Variants in OIP5 observed in about 807,000 individuals in gnomAD.
OIP5 encodes Opa interacting protein 5.
A neutral mutation model predicts 20.3 loss-of-function variants in OIP5; 24 were observed. The observed-to-expected ratio is 1.18, with a 90% CI of 0.86 to 1.66. OIP5 has a LOEUF of 1.66. Among genes scored for constraint, OIP5 ranks in the 40% most tolerant of loss-of-function variants. OIP5 has a pLI of 0.00. For missense variants in OIP5, 339 were observed against 289.5 expected (o/e 1.17, Z -1.24); for synonymous variants, 143 against 121.3 (o/e 1.18, Z -1.17).
chr15:41,310,865 TGGTTATTA>T (rs1362198056), intron 4 of OIP5, among the ~76,000 whole-genome samples: 1 of 152,230 alleles, frequency 6.6e-6, no homozygotes, highest in East Asian at 1.9e-4. Flanking sequence ...AAGTTAACTC[TGGTTATTA>T]GGTTTAGAAC....
Position 41,332,293 on chromosome 15 carries a change from G to T in OIP5, c.269C>A (p.Ser90Ter). The T allele has an allele frequency of 6.3e-7, 1 of 1,581,042 alleles. No individual in the cohort carries two copies. The highest frequency in any genetic ancestry group is 2.2e-5 in the East Asian group (1 of 44,510). Residue 90 changes from serine to a stop codon, truncating the protein, a stop_gained, in exon 1 of 5, where the codon TCG becomes TAG. Coordinates refer to ENST00000220514, the MANE Select transcript of OIP5 (RefSeq NM_007280.2). LOFTEE classifies it high-confidence loss of function. ...CGACAGGTCCCAGGCGAGGTGCACCGAGTCGGCGAGCACTGCGTGACACTG... is the reference window on the plus strand; with the variant it reads ...CGACAGGTCCCAGGCGAGGTGCACCTAGTCGGCGAGCACTGCGTGACACTG... ...CAQCHAVLAD[S>*]VHLAWDLSRS...
chr15:41,319,239 C>CTTTTTTTTTTTTT (rs567039095), intron 3 of OIP5, among the ~76,000 whole-genome samples: 3 of 142,030 alleles, frequency 2.1e-5, no homozygotes, highest in African/African-American at 7.7e-5. Flanking sequence ...TGCCCAGCTA[C>CTTTTTTTTTTTTT]TTTTTTTTTT....
intron 2 of OIP5, among the ~76,000 whole-genome samples, chr15:41,320,531 C>T (rs563486264): frequency 2.0e-5 from 3 of 152,202 alleles, no homozygotes; most frequent in Non-Finnish European, 2.9e-5. Flanking sequence ...CCACCAGCCT[C>T]GGCCTCCCAG....
chr15:41,324,448 A>G (rs182653360), intron 2 of OIP5, among the ~76,000 whole-genome samples: 27 of 152,118 alleles, frequency 1.8e-4, no homozygotes, highest in Non-Finnish European at 3.2e-4. Context: ...AACTTTCTCC[A>G]TATCAGCTTA....
At chr15:41,320,393 TCA>T (rs1162010015) in intron 2 of OIP5, among the ~76,000 whole-genome samples, 8 of 148,064 alleles carry the variant, frequency 5.4e-5, no homozygotes, top group African/African-American at 2.0e-4. Context: ...TTCTCCTGCC[TCA>T]GCCTGCCGAG....
intron 4 of OIP5, among the ~76,000 whole-genome samples, chr15:41,312,786 G>A (rs1445417007): frequency 2.0e-5 from 3 of 152,022 alleles, no homozygotes; most frequent in Non-Finnish European, 2.9e-5. Context: ...GTGCCACCAC[G>A]CCCGGCTAAT....
intron 3 of OIP5, among the ~76,000 whole-genome samples, chr15:41,318,403 C>A (rs1001366029): frequency 3.3e-5 from 5 of 152,112 alleles, no homozygotes; most frequent in African/African-American, 1.2e-4. Context: ...CTCAGGTGAA[C>A]CCCCGACCTC....
chr15:41,319,690 A>T lies in OIP5; in HGVS notation c.480T>A (p.Gly160=). The T allele has an allele frequency of 6.2e-7, 1 of 1,613,900 alleles. No individual in the cohort carries two copies. Among genetic ancestry groups the T allele is most frequent in the Non-Finnish European group, 8.5e-7 (1 of 1,179,848 alleles). The change falls in exon 3 of 5, where the codon GGT becomes GGA. Residue 160 remains glycine (G), a synonymous_variant. Coordinates refer to ENST00000220514, the MANE Select transcript of OIP5 (RefSeq NM_007280.2). The stretch of plus-strand genomic sequence containing the variant: ...TTTTGTCACTGGAAAGGCAGAAGTG[A>T]CCTCTCAAGGCAGCCAGGGCAGCAT... ...STHAALAALR[G]HFCLSSDKMV...
At chr15:41,322,427 CTTGCTCTGT>C (rs1008900130) in intron 2 of OIP5, among the ~76,000 whole-genome samples, 6 of 151,916 alleles carry the variant, frequency 3.9e-5, no homozygotes, top group African/African-American at 1.4e-4. Flanking sequence ...GAGACAAGTT[CTTGCTCTGT>C]CGCCCAGGTT....
chr15:41,327,698 G>C (rs1164139631), intron 2 of OIP5, among the ~76,000 whole-genome samples: 1 of 152,060 alleles, frequency 6.6e-6, no homozygotes, highest in Admixed American at 6.5e-5. Context: ...TGAGGCAGGG[G>C]AATCACTTGA....
chr15:41,322,726 G>A (rs981756033), intron 2 of OIP5, among the ~76,000 whole-genome samples: 1 of 152,156 alleles, frequency 6.6e-6, no homozygotes, highest in Admixed American at 6.5e-5. Context: ...CCTGAGGTCA[G>A]GAGTTCGAGA....
chr15:41,326,359 A>T (rs2047861595), intron 2 of OIP5, among the ~76,000 whole-genome samples: 1 of 152,164 alleles, frequency 6.6e-6, no homozygotes, highest in Non-Finnish European at 1.5e-5. Flanking sequence ...ACTGTAGAAG[A>T]AAAAAAGAAC....
At chr15:41,320,794 T>C (rs1488242485) in intron 2 of OIP5, among the ~76,000 whole-genome samples, 1 of 149,290 alleles carries the variant, frequency 6.7e-6, no homozygotes, top group Non-Finnish European at 1.5e-5. Context: ...GTCTGGAAAG[T>C]GAGGAGCGTC....
At chr15:41,317,381 CTTTT>C (rs1171613409) in intron 3 of OIP5, among the ~76,000 whole-genome samples, 4 of 132,722 alleles carry the variant, frequency 3.0e-5, no homozygotes. Flanking sequence ...ATCCATTTTT[CTTTT>C]TTTTTTTTTT....
In OIP5 at chr15:41,326,771, C is replaced by T. The variant is rs370684843; in HGVS notation, c.389+5144G>A. ...CCACAGTAGGTACTACGTCTCTAAC[C>T]ATCCGTGCTGAGCTGCTTTGGGTTG... On this transcript the variant is annotated intron_variant, in intron 2 of 4. Transcript: ENST00000220514. Among the ~76,000 whole-genome samples, 6 of 152,126 alleles carry T rather than the reference C, an allele frequency of 3.9e-5. No individual in the cohort carries two copies. The East Asian group carries it at 5.8e-4, about 15-fold the overall frequency.
rs538562854 is a variant in OIP5, at chr15:41,332,301, G to T, written c.261C>A (p.Leu87=). ...VFQCAQCHAV[L]ADSVHLAWDL... is the part of the protein sequence containing the mutation. ...CCCAGGCGAGGTGCACCGAGTCGGC[G>T]AGCACTGCGTGACACTGTGCGCACT... The change falls in exon 1 of 5, where the codon CTC becomes CTA. Residue 87 remains leucine (L), a synonymous_variant. Transcript: ENST00000220514. 1 of 1,589,024 alleles carries T rather than the reference G, an allele frequency of 6.3e-7. No homozygotes were observed. Among genetic ancestry groups the T allele is most frequent in the African/African-American group, 1.3e-5 (1 of 74,144 alleles).
intron 3 of OIP5, among the ~76,000 whole-genome samples, chr15:41,318,431 G>C (rs2047802072): frequency 6.6e-6 from 1 of 152,014 alleles, no homozygotes; most frequent in African/African-American, 2.4e-5. Flanking sequence ...CAAAGTGCTG[G>C]GATTACAGGC....
intron 2 of OIP5, among the ~76,000 whole-genome samples, chr15:41,322,806 G>A (rs931006670): frequency 6.6e-6 from 1 of 152,064 alleles, no homozygotes; most frequent in Non-Finnish European, 1.5e-5. Flanking sequence ...CTGGTGGCGG[G>A]TGCCTGTAAT....
Position 41,309,565 on chromosome 15 carries a change from AAGAATCCTT to A in OIP5, c.*180_*188del. 4.2e-6 allele frequency: 2 copies of A among 471,244 alleles called. No individual in the cohort carries two copies. The allele number at this position is 471,244 out of a possible 1,614,324, so 29.2% of individuals were successfully genotyped here. A position where few individuals can be genotyped will look rare whatever the true frequency, so the allele number is the denominator to read the frequency against. On this transcript the variant is annotated 3_prime_UTR_variant, in exon 5 of 5. Transcript: ENST00000220514. The stretch of plus-strand genomic sequence containing the variant: ...CTTAAGGCAAATAGCTATAAAAGAG[AAGAATCCTT>A]AGTCTCTCATCTTCTAAAAACAGCT...
Sources: gnomAD v4.1 joint callset for allele counts (sites outside exome capture counted in the v4.1 genomes callset) on GRCh38, gnomAD v4.1.1 for gene constraint, MANE v1.5 for transcripts, NCBI Gene and HGNC (gene_info 2026-07-23, HGNC 2026-07-21) for gene names.